Variants in SYNE2 observed in about 807,000 individuals in gnomAD.
SYNE2 encodes spectrin repeat containing nuclear envelope protein 2.
In SYNE2, 431 loss-of-function variants were observed where a neutral mutation model predicts 856.3. The ratio of observed to expected loss-of-function variants is 0.50; its 90% CI spans 0.47 to 0.55. The LOEUF (loss-of-function observed/expected upper bound fraction) is 0.55. SYNE2 is among the 20% of genes least tolerant of loss of function. The probability of loss-of-function intolerance (pLI) is 0.00; values close to 1 mark genes in which losing one functional copy is unlikely to be tolerated. For missense variants in SYNE2, 8,129 were observed against 8,023.2 expected, an observed-to-expected ratio of 1.01 and a Z score of -0.50; for synonymous variants, 2,923 against 2,872.3, an observed-to-expected ratio of 1.02 and a Z score of -0.56.
Position 64,211,492 on chromosome 14 carries a change from G to A in SYNE2, c.18724-469G>A, listed in dbSNP as rs1396576526. ...GAAGGCAGAAGGGGGCACCAGGCTG[G>A]CCTCAATCCTGATATCAAGGCTTTT... On this transcript the variant is annotated intron_variant, in intron 103 of 115. Transcript: ENST00000555002. Among the ~76,000 whole-genome samples the A allele has an allele frequency of 3.3e-5, 5 of 152,250 alleles. No individual in the cohort carries two copies. The East Asian group carries it at 9.7e-4, about 29-fold the overall frequency.
At chr14:64,152,747 C>G (rs1268970804) in intron 85 of SYNE2, 31 bp downstream of exon 85, 2 of 1,613,128 alleles carry the variant, frequency 1.2e-6, no homozygotes, top group South Asian at 2.2e-5. Flanking sequence ...TGTGCTATTT[C>G]TCTTCACATA....
chr14:64,182,150 A>G (rs1313565627), intron 96 of SYNE2, among the ~76,000 whole-genome samples: 1 of 152,200 alleles, frequency 6.6e-6, no homozygotes, highest in African/African-American at 2.4e-5. Context: ...CAAGGCTTAG[A>G]TGCTGTCCTG....
At chr14:63,956,887 C>G (rs1566906226) in intron 8 of SYNE2, among the ~76,000 whole-genome samples, 1 of 152,132 alleles carries the variant, frequency 6.6e-6, no homozygotes, top group Non-Finnish European at 1.5e-5. Context: ...CAAAATTGTT[C>G]ACTCATCACC....
At chr14:64,121,437 C>T (rs1401056047) in intron 68 of SYNE2, among the ~76,000 whole-genome samples, 1 of 152,154 alleles carries the variant, frequency 6.6e-6, no homozygotes, top group Non-Finnish European at 1.5e-5. Context: ...GCACAAGAAT[C>T]ACTTGAATCC....
At chr14:63,967,386 T>C (rs1003573265) in intron 10 of SYNE2, among the ~76,000 whole-genome samples, 1 of 152,236 alleles carries the variant, frequency 6.6e-6, no homozygotes. Context: ...TGTGAGTGCA[T>C]ACTTGCGGAG....
intron 94 of SYNE2, among the ~76,000 whole-genome samples, chr14:64,171,033 A>G (rs2098408120): frequency 6.6e-6 from 1 of 152,234 alleles, no homozygotes; most frequent in Non-Finnish European, 1.5e-5. Flanking sequence ...TGATGTGCTT[A>G]TTGGACATTG....
At chr14:64,017,053 A>G (rs2096897182) in intron 33 of SYNE2, among the ~76,000 whole-genome samples, 1 of 152,094 alleles carries the variant, frequency 6.6e-6, no homozygotes, top group African/African-American at 2.4e-5. Flanking sequence ...GACTAGACCC[A>G]GCATGGTGGC....
chr14:64,130,448 A>T (rs2098004562), intron 76 of SYNE2, among the ~76,000 whole-genome samples, 200 bp downstream of exon 76: 1 of 152,220 alleles, frequency 6.6e-6, no homozygotes, highest in Admixed American at 6.5e-5. Context: ...GTAAAAACAG[A>T]CACAGTTCCT....
chr14:64,196,159 A>G (rs548021554), intron 99 of SYNE2, among the ~76,000 whole-genome samples: 228 of 152,348 alleles, frequency 1.5e-3, no homozygotes, highest in African/African-American at 5.3e-3. Context: ...CCAGATCTGC[A>G]CTTCTGATTC....
At chr14:64,116,307 T>A (rs1391534155) in intron 66 of SYNE2, among the ~76,000 whole-genome samples, 1 of 152,164 alleles carries the variant, frequency 6.6e-6, no homozygotes, top group Non-Finnish European at 1.5e-5. Flanking sequence ...ATTAAAAAAA[T>A]ATCATTCTGG....
At chr14:64,015,794 CT>C (rs752795861) in intron 32 of SYNE2, among the ~76,000 whole-genome samples, 45 of 151,898 alleles carry the variant, frequency 3.0e-4, no homozygotes, top group Non-Finnish European at 1.0e-4. Flanking sequence ...CGATTTCAGA[CT>C]TTTCCTCATT....
rs150063238 is a variant in SYNE2 at position 64,009,653 on chromosome 14, C to G, written c.4578-313C>G. ...AAAGGGGCTCTGTTTTCTGAGATGT[C>G]TTTTGGTTAATGATGAAATTGAGAT... On this transcript the variant is annotated intron_variant, in intron 31 of 115. Transcript: ENST00000555002. 1.8e-4 allele frequency among the ~76,000 whole-genome samples: 27 copies of G among 151,070 alleles called. 1 individual carries two copies. The East Asian group carries it at 4.9e-3, about 27-fold the overall frequency.
chr14:63,942,466 G>A (rs12893130), intron 6 of SYNE2, among the ~76,000 whole-genome samples: 29,446 of 151,768 alleles, frequency 0.19, 3,238 homozygotes, highest in African/African-American at 0.31. Flanking sequence ...CTACAGATGC[G>A]CGCCACCATG....
At chr14:64,098,178 A>G (rs766092207) in intron 62 of SYNE2, 32 bp downstream of exon 62, 7 of 1,608,834 alleles carry the variant, frequency 4.4e-6, no homozygotes, top group African/African-American at 1.3e-5. Context: ...TGCTGGCCCC[A>G]CACTCCACAA....
intron 1 of SYNE2, among the ~76,000 whole-genome samples, chr14:63,815,035 TAC>T (rs1436986576): frequency 4.0e-5 from 5 of 124,098 alleles, no homozygotes; most frequent in Admixed American, 9.1e-5. Context: ...TATCCATATA[TAC>T]ATCCACATAT....
At chr14:64,018,270 C>T (rs183209320) in intron 34 of SYNE2, among the ~76,000 whole-genome samples, 70 of 152,168 alleles carry the variant, frequency 4.6e-4, no homozygotes, top group African/African-American at 1.5e-3. Flanking sequence ...GGCAGAGTCT[C>T]GTTCTGTCAC....
At chr14:63,854,423 T>C (rs189191024) in intron 1 of SYNE2, among the ~76,000 whole-genome samples, 18 of 152,302 alleles carry the variant, frequency 1.2e-4, no homozygotes, top group Admixed American at 1.2e-3. Context: ...GTTTTCATGC[T>C]TTAATGCATG....
chr14:63,950,527 C>T (rs2096135457), intron 7 of SYNE2, among the ~76,000 whole-genome samples: 1 of 152,110 alleles, frequency 6.6e-6, no homozygotes, highest in East Asian at 1.9e-4. Context: ...TTCACTCCAG[C>T]CTGGGCAACA....
At chr14:64,127,038 A>G (rs1259773083) in intron 73 of SYNE2, among the ~76,000 whole-genome samples, 1 of 152,128 alleles carries the variant, frequency 6.6e-6, no homozygotes, top group Non-Finnish European at 1.5e-5. Context: ...AGGCAGGCGG[A>G]TCACCTGAGG....
Sources: allele counts gnomAD v4.1 joint callset (sites outside exome capture counted in the v4.1 genomes callset), GRCh38; gene constraint gnomAD v4.1.1; transcripts MANE v1.5; gene names NCBI Gene and HGNC (gene_info 2026-07-23, HGNC 2026-07-21).